The following TTN variants were observed in gnomAD, a reference collection of about 807,000 sequenced individuals.
TTN encodes the protein connectin.
Under a neutral mutation model 3,223.0 loss-of-function variants are expected in TTN, and 1,525 were observed. The ratio of observed to expected loss-of-function variants is 0.47; its 90% CI spans 0.45 to 0.49. The LOEUF is 0.49. Ranked by LOEUF, TTN falls within the 20% of genes least tolerant of loss-of-function variation. The pLI, the probability that TTN is intolerant of heterozygous loss-of-function variation, is 0.00. For missense variants in TTN, 40,786 were observed against 43,424.0 expected (o/e 0.94, Z 5.40); for synonymous variants, 14,094 against 15,161.0 (o/e 0.93, Z 5.17).
rs1225450640 is a variant in TTN, at chr2:178,534,614, G to A, written c.102001C>T (p.Leu34001Phe). 2 of 1,613,666 alleles carry A rather than the reference G, an allele frequency of 1.2e-6. No homozygotes were observed. Among genetic ancestry groups the A allele is most frequent in the East Asian group, 2.2e-5 (1 of 44,894 alleles). ...AATAGCACATATACCAGTGTTCCAA[G>A]TGACCACATGTCTGTGGCTGTGCTG... The part of the protein sequence containing the change: ...VVSTATDMWS[L>F]GTLVYVLLSG... The change falls in exon 358 of 363, where the codon CTT (leucine) becomes TTT (phenylalanine). Residue 34001 changes from leucine (L) to phenylalanine (F), a missense_variant. By Grantham distance (22) the Leu-to-Phe change is conservative. Coordinates refer to ENST00000589042, the MANE Select transcript of TTN (RefSeq NM_001267550.2).
At chr2:178,536,744 C>A (rs1321455107) in intron 356 of TTN, 169 bp from the exon 357 acceptor site, 11 of 794,756 alleles carry the variant, frequency 1.4e-5, no homozygotes, top group Non-Finnish European at 2.0e-5. Context: ...AACCAAAGTT[C>A]TATTTTTACA....
rs1553645773 is a variant in TTN at position 178,591,988 on chromosome 2, C to G, written c.59916G>C (p.Leu19972Phe). 2 of 1,612,490 alleles carry G rather than the reference C, an allele frequency of 1.2e-6. No homozygotes were observed. The highest frequency in any genetic ancestry group is 1.3e-5 in the African/African-American group (1 of 74,966). ...GAGAAAGCAACTTACGGAGAGGATC[C>G]AAAGCCTTGATTGGTTTTGGTGTTT... ...FVETPKPIKA[L>F]DPLHPPGPPK... Residue 19972 changes from leucine (L) to phenylalanine (F), a missense_variant, in exon 302 of 363, where the codon TTG (leucine) becomes TTC (phenylalanine). Leu to Phe is a conservative substitution (Grantham distance 22). Transcript: ENST00000589042.
Position 178,677,669 on chromosome 2 carries a change from C to T in TTN, c.34243G>A (p.Glu11415Lys). The T allele has an allele frequency of 6.2e-7, 1 of 1,612,170 alleles. No individual in the cohort carries two copies. Among genetic ancestry groups the T allele is most frequent in the Middle Eastern group, 1.7e-4 (1 of 6,048 alleles). ...VPEEEEFVPE[E>K]EVLPEVKPKV... is the part of the protein sequence containing the mutation. ...GGTTTAACTTCTGGAAGGACTTCTT[C>T]TTCAGGTACAAATTCTTCTTCCTCA... is the stretch of plus-strand genomic sequence containing the variant. The change falls in exon 146 of 363, where the codon GAA (glutamate) becomes AAA (lysine). Residue 11415 changes from glutamate to lysine, a missense_variant. Coordinates refer to ENST00000589042, the MANE Select transcript of TTN (RefSeq NM_001267550.2).
chr2:178,640,210 G>T (rs2061049532), intron 221 of TTN, 100 bp from the exon 222 acceptor site: 3 of 1,028,210 alleles, frequency 2.9e-6, no homozygotes, highest in East Asian at 5.2e-5. Flanking sequence ...GAAGATATTA[G>T]AATTTATATA....
chr2:178,746,277 C>T (rs1361523500), intron 47 of TTN: 1 of 1,612,038 alleles, frequency 6.2e-7, no homozygotes, highest in Non-Finnish European at 8.5e-7. Flanking sequence ...ATTTCAAATA[C>T]TTCTAAATCA....
At chr2:178,698,253 T>C (rs1017500669) in intron 112 of TTN, among the ~76,000 whole-genome samples, 1 of 145,754 alleles carries the variant, frequency 6.9e-6, no homozygotes, top group Non-Finnish European at 1.5e-5. Context: ...GGGGAAATGT[T>C]GGTCAAAGGG....
chr2:178,612,795 A>G lies in TTN; in HGVS notation c.49926T>C (p.Pro16642=). 6.2e-7 allele frequency: 1 copy of G among 1,611,584 alleles called. No homozygotes were observed. The highest frequency in any genetic ancestry group is 8.5e-7 in the Non-Finnish European group (1 of 1,178,816). ...TACATAGCTTCTCCCGGCAAAGCAC[A>G]GGGTCACTGGGTTCACTGGGTTCAC... ...GESEPSEPSD[P]VLCREKLYPP... The change falls in exon 265 of 363, where the codon CCT becomes CCC. Residue 16642 remains proline (P), a synonymous_variant. Transcript: ENST00000589042.
intron 152 of TTN, 78 bp from the exon 153 acceptor site, chr2:178,672,781 C>T: frequency 1.7e-6 from 2 of 1,188,310 alleles, no homozygotes; most frequent in South Asian, 3.0e-5. Flanking sequence ...GAGACAACGC[C>T]AACATTACAA....
At position 178,706,713 on chromosome 2, in the gene TTN, C is replaced by A; in HGVS notation, c.29161G>T (p.Val9721Phe). 6.2e-7 allele frequency: 1 copy of A among 1,610,020 alleles called. No homozygotes were observed. The highest frequency in any genetic ancestry group is 1.3e-5 in the African/African-American group (1 of 74,904). The stretch of plus-strand genomic sequence containing the variant: ...ACATTTGGGATTGGGTCACCTCCAA[C>A]TTTTGCAATGAAGGTCGCAGTGGTT... Reference protein sequence around the residue: ...EKTTATFIAKVGGDPIPNVKW... With the variant: ...EKTTATFIAKFGGDPIPNVKW... The change falls in exon 102 of 363, where the codon GTT (valine) becomes TTT (phenylalanine). Residue 9721 changes from valine to phenylalanine, a missense_variant. Physicochemically the swap from Val to Phe is conservative, Grantham distance 50 (BLOSUM62 -1). Transcript: ENST00000589042.
chr2:178,538,578 G>A lies in TTN; in HGVS notation c.99251C>T (p.Pro33084Leu). The change falls in exon 354 of 363, where the codon CCT becomes CTT. Residue 33084 changes from proline (P) to leucine (L), a missense_variant. Pro to Leu is a moderately conservative substitution (Grantham distance 98, BLOSUM62 -3). Transcript: ENST00000589042. ...FAENETGLSR[P>L]RRTAMSIKTK... ...CTTTATAGACATAGCAGTTCTGCGA[G>A]GTCTGCTCAGCCCAGTCTCATTCTC... The A allele has an allele frequency of 6.2e-7, 1 of 1,613,480 alleles. No homozygotes were observed. Among genetic ancestry groups the A allele is most frequent in the Middle Eastern group, 1.7e-4 (1 of 6,052 alleles).
rs2052759090 is a variant in TTN at position 178,599,693 on chromosome 2, G to A, written c.56208C>T (p.Thr18736=). The change falls in exon 289 of 363, where the codon ACC becomes ACT. Residue 18736 remains threonine, a synonymous_variant. Transcript: ENST00000589042. The stretch of plus-strand genomic sequence containing the variant: ...CATCTACCACCAGTTTGTTGACATG[G>A]GTGTCATAGAGAACAGGTTCTTTGT... ...PDNKEPVLYD[T]HVNKLVVDDT... 6.2e-7 allele frequency: 1 copy of A among 1,612,920 alleles called. No individual in the cohort carries two copies. Among genetic ancestry groups the A allele is most frequent in the Middle Eastern group, 1.7e-4 (1 of 6,050 alleles).
chr2:178,683,972 T>G, intron 133 of TTN, 27 bp downstream of exon 133: 1 of 1,523,028 alleles, frequency 6.6e-7, no homozygotes, highest in Non-Finnish European at 8.8e-7. Flanking sequence ...ATTTTGATTT[T>G]TTTTTTTTTT....
intron 98 of TTN, among the ~76,000 whole-genome samples, chr2:178,710,383 G>A (rs1050171516): frequency 6.6e-6 from 1 of 152,158 alleles, no homozygotes; most frequent in South Asian, 2.1e-4. Flanking sequence ...GGAGGCAGAG[G>A]TTGCAGTGAA....
At chr2:178,623,481 C>T (rs982318270) in intron 242 of TTN, among the ~76,000 whole-genome samples, 2 of 151,862 alleles carry the variant, frequency 1.3e-5, no homozygotes, top group African/African-American at 4.8e-5. Context: ...GAGTCCTTCC[C>T]AAGATGACCA....
intron 151 of TTN, among the ~76,000 whole-genome samples, 171 bp from the exon 152 acceptor site, chr2:178,673,881 A>G (rs1329623735): frequency 6.6e-6 from 1 of 151,814 alleles, no homozygotes; most frequent in Admixed American, 6.6e-5. Context: ...AAAGGATATT[A>G]CTTAGAAATC....
At position 178,653,061 on chromosome 2, in the gene TTN, G is replaced by C; in HGVS notation, c.38855C>G (p.Pro12952Arg). The change falls in exon 199 of 363, where the codon CCT (proline) becomes CGT (arginine). Residue 12952 changes from proline to arginine, a missense_variant. Coordinates refer to ENST00000589042, the MANE Select transcript of TTN (RefSeq NM_001267550.2). ...KKVPVTPPKK[P>R]EVPPVKVPEA... ...AATACCTTTAACAGGTGGGACTTCA[G>C]GTTTTTTAGGAGGAGTCACTGGCAC... The C allele has an allele frequency of 6.2e-7, 1 of 1,613,306 alleles. No homozygotes were observed. The highest frequency in any genetic ancestry group is 8.5e-7 in the Non-Finnish European group (1 of 1,179,536).
Position 178,565,546 on chromosome 2 carries a change from G to T in TTN, c.80586C>A (p.Ser26862Arg). The change falls in exon 326 of 363, where the codon AGC becomes AGA. Residue 26862 changes from serine (S) to arginine (R), a missense_variant. Ser to Arg is a moderately radical substitution (Grantham distance 110, BLOSUM62 -1). Transcript: ENST00000589042. ...RVKAYNEKGK[S>R]DPRVLGVPVI... ...CAGGAACACCCAACACTCTTGGATC[G>T]CTTTTTCCTTTCTCATTATAAGCCT... 6.2e-7 allele frequency: 1 copy of T among 1,613,546 alleles called. No homozygotes were observed. The highest frequency in any genetic ancestry group is 8.5e-7 in the Non-Finnish European group (1 of 1,179,626).
At position 178,566,709 on chromosome 2, in the gene TTN, C is replaced by G. The variant is rs1245328296; in HGVS notation, c.79423G>C (p.Ala26475Pro). The G allele has an allele frequency of 1.2e-6, 2 of 1,613,454 alleles. No individual in the cohort carries two copies. Among genetic ancestry groups the G allele is most frequent in the South Asian group, 1.1e-5 (1 of 91,078 alleles). The change falls in exon 326 of 363, where the codon GCT (alanine) becomes CCT (proline). Residue 26475 changes from alanine to proline, a missense_variant. Transcript: ENST00000589042. ...TCACAGGCTTTATAATAAACTGTAG[C>G]TGGACTTGGTTCCCCAACTCCAGCA... ...NAAGVGEPSP[A>P]TVYYKACDPV...
chr2:178,695,006 C>T (rs1005356444), intron 115 of TTN, 100 bp from the exon 116 acceptor site: 3 of 831,612 alleles, frequency 3.6e-6, no homozygotes, highest in Non-Finnish European at 5.6e-6. Flanking sequence ...TTATACACAC[C>T]TATAAGTGTA....
Sources: gnomAD v4.1 joint callset for allele counts (sites outside exome capture counted in the v4.1 genomes callset) on GRCh38, gnomAD v4.1.1 for gene constraint, MANE v1.5 for transcripts, NCBI Gene and HGNC (gene_info 2026-07-23, HGNC 2026-07-21) for gene names.